The following CAST variants were observed in gnomAD, a reference collection of about 807,000 sequenced individuals.
CAST encodes the protein MIR583 host.
Under a neutral mutation model 119.6 loss-of-function variants are expected in CAST, and 76 were observed. That is an observed-to-expected ratio of 0.64 (90% confidence interval 0.53 to 0.77). The LOEUF (loss-of-function observed/expected upper bound fraction) is 0.77, where lower values mean the gene tolerates loss of function less well. Ranked by LOEUF, CAST falls within the 30% of genes least tolerant of loss-of-function variation. The pLI is 0.00. For missense variants in CAST, 953 were observed against 946.5 expected, an observed-to-expected ratio of 1.01 and a Z score of -0.09; for synonymous variants, 319 against 331.6, an observed-to-expected ratio of 0.96 and a Z score of 0.41.
At chr5:96,029,890 C>A in the CAST span, among the ~76,000 whole-genome samples, 3 of 152,100 alleles carry the variant, frequency 2.0e-5, no homozygotes, top group African/African-American at 7.2e-5. Flanking sequence ...ACAATTCCAA[C>A]TGCCACTGCC....
the CAST span, among the ~76,000 whole-genome samples, chr5:96,460,534 TAAAGTA>T: frequency 1.3e-5 from 2 of 149,042 alleles, no homozygotes; most frequent in Non-Finnish European, 3.0e-5. Flanking sequence ...TCCCAGAACT[TAAAGTA>T]AAATAAATAA....
chr5:96,316,728 G>T, the CAST span, among the ~76,000 whole-genome samples: 2 of 152,116 alleles, frequency 1.3e-5, no homozygotes, highest in African/African-American at 2.4e-5. Context: ...GCAAGAAGAG[G>T]ACTCTGACCT....
At chr5:96,538,773 C>T (rs906099775) in intron 1 of CAST, among the ~76,000 whole-genome samples, 3 of 152,074 alleles carry the variant, frequency 2.0e-5, no homozygotes, top group African/African-American at 7.2e-5. Context: ...ATGAAATGAG[C>T]TTTGGGATAC....
the CAST span, among the ~76,000 whole-genome samples, chr5:96,201,944 G>A: frequency 6.7e-6 from 1 of 149,250 alleles, no homozygotes; most frequent in Non-Finnish European, 1.5e-5. Context: ...TTTAAAATAA[G>A]ATGAAATAAA....
chr5:96,186,757 T>C, the CAST span, among the ~76,000 whole-genome samples: 2 of 152,232 alleles, frequency 1.3e-5, no homozygotes, highest in South Asian at 4.1e-4. Context: ...TTTGCCAGTA[T>C]TCGTTGACGA....
At chr5:96,432,914 C>G in the CAST span, 14 of 1,614,008 alleles carry the variant, frequency 8.7e-6, no homozygotes, top group African/African-American at 1.7e-4. Flanking sequence ...AGGCTGCTTC[C>G]GGGCCCCCGG....
the CAST span, among the ~76,000 whole-genome samples, chr5:96,091,480 C>T: frequency 6.9e-6 from 1 of 145,602 alleles, no homozygotes; most frequent in Non-Finnish European, 1.5e-5. Context: ...GCTGGAATTA[C>T]AGGCATGAGC....
chr5:96,750,427 A>C lies in CAST; in HGVS notation c.1429-160A>C, dbSNP rs549013090. On this transcript the variant is annotated intron_variant, in intron 19 of 31. Coordinates refer to ENST00000675179, the MANE Select transcript of CAST (RefSeq NM_001750.7). ...AAAAAAATGGCAGCTGAAGAGTTTT[A>C]GCATGCTTTGACTTATTTACTATTT... 2.0e-4 allele frequency among the ~76,000 whole-genome samples: 31 copies of C among 152,360 alleles called. No homozygotes were observed. In the South Asian group the frequency reaches 6.2e-3, roughly 31 times the overall value.
upstream of CAST, among the ~76,000 whole-genome samples, chr5:96,524,461 C>T (rs1039504161): frequency 2.0e-5 from 3 of 152,182 alleles, no homozygotes; most frequent in South Asian, 2.1e-4. Flanking sequence ...GTCAGGGACT[C>T]AGCATTCCAG....
chr5:96,235,428 G>C, the CAST span, among the ~76,000 whole-genome samples: 1 of 152,204 alleles, frequency 6.6e-6, no homozygotes, highest in Non-Finnish European at 1.5e-5. Context: ...CACAGAGCTT[G>C]CTATCTGGTA....
chr5:96,376,437 ATT>A, the CAST span, among the ~76,000 whole-genome samples: 1 of 144,794 alleles, frequency 6.9e-6, no homozygotes. Context: ...AATTATTTCT[ATT>A]TTTTTTTTTT....
At chr5:96,488,058 T>C in the CAST span, among the ~76,000 whole-genome samples, 1 of 152,316 alleles carries the variant, frequency 6.6e-6, no homozygotes. Context: ...GACATATGGC[T>C]AAAAATATCA....
At chr5:96,208,815 G>T in the CAST span, among the ~76,000 whole-genome samples, 8 of 151,950 alleles carry the variant, frequency 5.3e-5, no homozygotes, top group East Asian at 3.9e-4. Context: ...GGGGTACAGA[G>T]TTCTGTAGAT....
chr5:96,111,436 G>A, the CAST span, among the ~76,000 whole-genome samples: 1 of 152,186 alleles, frequency 6.6e-6, no homozygotes, highest in Non-Finnish European at 1.5e-5. Context: ...ATTGGCCTTT[G>A]GTGATTAGCT....
At chr5:96,063,759 G>A in the CAST span, among the ~76,000 whole-genome samples, 54 of 152,252 alleles carry the variant, frequency 3.5e-4, no homozygotes, top group Middle Eastern at 3.4e-3. Context: ...AGGTTGCTAC[G>A]TGTCATTCCC....
chr5:96,302,565 A>G, the CAST span, among the ~76,000 whole-genome samples: 1 of 152,226 alleles, frequency 6.6e-6, no homozygotes, highest in Non-Finnish European at 1.5e-5. Flanking sequence ...GCAGATAAGC[A>G]TAGGCTTTTA....
the CAST span, among the ~76,000 whole-genome samples, chr5:96,234,597 C>T: frequency 1.3e-5 from 2 of 152,170 alleles, no homozygotes; most frequent in African/African-American, 2.4e-5. Flanking sequence ...GTTCCACCAG[C>T]CTTGGCTTGT....
the CAST span, among the ~76,000 whole-genome samples, chr5:96,169,929 C>G: frequency 6.6e-6 from 1 of 151,978 alleles, no homozygotes; most frequent in African/African-American, 2.4e-5. Flanking sequence ...TAAGTTGGCA[C>G]CAGAGTTGGG....
At chr5:96,639,388 C>T (rs1747923023) in intron 1 of CAST, among the ~76,000 whole-genome samples, 1 of 152,216 alleles carries the variant, frequency 6.6e-6, no homozygotes, top group Non-Finnish European at 1.5e-5. Context: ...TCCTTCCTCC[C>T]ATGTTTGGCC....
Sources: gnomAD v4.1 joint callset for allele counts (sites outside exome capture counted in the v4.1 genomes callset) on GRCh38, gnomAD v4.1.1 for gene constraint, MANE v1.5 for transcripts, NCBI Gene and HGNC (gene_info 2026-07-23, HGNC 2026-07-21) for gene names.